Variants in NAV3 observed in about 807,000 individuals in gnomAD.
NAV3 encodes the protein pore membrane and/or filament interacting like protein 1.
NAV3 carries 87 observed loss-of-function variants against 244.7 expected under a neutral mutation model. That is an observed-to-expected ratio of 0.36 (90% CI 0.30 to 0.42). The LOEUF (loss-of-function observed/expected upper bound fraction) is 0.42, where lower values mean the gene tolerates loss of function less well. Ranked by LOEUF, NAV3 falls within the 20% of genes least tolerant of loss-of-function variation. NAV3 has a pLI of 1.00. For missense variants in NAV3, 2,663 were observed against 2,893.3 expected (o/e 0.92, Z 1.83); for synonymous variants, 1,126 against 1,042.2 (o/e 1.08, Z -1.55).
chr12:77,824,160 G>C (rs1032418132), intron 2 of NAV3, among the ~76,000 whole-genome samples: 1 of 151,648 alleles, frequency 6.6e-6, no homozygotes, highest in Non-Finnish European at 1.5e-5. Flanking sequence ...TGCAACCTCC[G>C]CCTCTCGGGT....
At chr12:77,766,734 A>ATTTTTTTT (rs1565805085) in intron 2 of NAV3, among the ~76,000 whole-genome samples, 2 of 53,344 alleles carry the variant, frequency 3.7e-5, no homozygotes, top group African/African-American at 1.0e-4. Flanking sequence ...CAGGCAATTA[A>ATTTTTTTT]GTTTTTTTTT....
chr12:77,928,365 A>G (rs1888439606), intron 1 of NAV3, among the ~76,000 whole-genome samples: 1 of 152,156 alleles, frequency 6.6e-6, no homozygotes, highest in South Asian at 2.1e-4. Context: ...TCTCACAATG[A>G]TGATCTGGAC....
chr12:78,037,098 C>T (rs1333122129), intron 9 of NAV3: 11 of 702,922 alleles, frequency 1.6e-5, no homozygotes, highest in Non-Finnish European at 2.6e-5. Flanking sequence ...TGTGCAGTCC[C>T]TGTATCACAC....
chr12:77,787,034 C>A (rs1870935731), intron 2 of NAV3, among the ~76,000 whole-genome samples: 2 of 151,972 alleles, frequency 1.3e-5, no homozygotes, highest in Admixed American at 6.6e-5. Context: ...TCTGCTTGAA[C>A]CTCTGATCTG....
At chr12:77,815,054 G>A (rs1872475296) in intron 2 of NAV3, among the ~76,000 whole-genome samples, 1 of 152,184 alleles carries the variant, frequency 6.6e-6, no homozygotes, top group African/African-American at 2.4e-5. Flanking sequence ...AGCAGCGAGT[G>A]AGCCCCAGTG....
chr12:77,664,080 C>T (rs145402664), intron 2 of NAV3, among the ~76,000 whole-genome samples: 18 of 152,246 alleles, frequency 1.2e-4, no homozygotes, highest in African/African-American at 4.1e-4. Flanking sequence ...GACCATAACA[C>T]GATGGTAAAC....
chr12:78,155,107 C>T (rs1429979325), intron 22 of NAV3, among the ~76,000 whole-genome samples: 1 of 152,020 alleles, frequency 6.6e-6, no homozygotes, highest in African/African-American at 2.4e-5. Context: ...ATTTGCTGCA[C>T]AGATCAACTC....
chr12:77,729,769 C>G (rs1877041361), intron 2 of NAV3, among the ~76,000 whole-genome samples: 1 of 151,884 alleles, frequency 6.6e-6, no homozygotes, highest in African/African-American at 2.4e-5. Context: ...AGGCAGGAGA[C>G]TTACCTATTG....
At chr12:77,701,703 A>G (rs746460199) in intron 2 of NAV3, among the ~76,000 whole-genome samples, 2 of 151,876 alleles carry the variant, frequency 1.3e-5, no homozygotes, top group Non-Finnish European at 2.9e-5. Flanking sequence ...AGTTCAAAAT[A>G]TTTTCCAGTA....
intron 2 of NAV3, among the ~76,000 whole-genome samples, chr12:77,791,719 G>A (rs759121867): frequency 6.6e-5 from 10 of 152,056 alleles, no homozygotes; most frequent in South Asian, 2.1e-4. Flanking sequence ...CTCCCCATTC[G>A]TAGATTCAAA....
intron 1 of NAV3, among the ~76,000 whole-genome samples, chr12:77,884,397 G>A (rs1883037074): frequency 6.6e-6 from 1 of 152,096 alleles, no homozygotes; most frequent in Admixed American, 6.6e-5. Flanking sequence ...CAAAGATACT[G>A]GTAGTGTGGC....
rs1052605148 is a variant in NAV3, at chr12:78,182,730, T to C, written c.5692+1685T>C. Among the ~76,000 whole-genome samples the C allele has an allele frequency of 2.6e-5, 4 of 151,984 alleles. No homozygotes were observed. The South Asian group carries it at 8.3e-4, about 31-fold the overall frequency. On this transcript the variant is annotated intron_variant, in intron 30 of 39. Transcript: ENST00000397909. ...AGTTTTACGTTTTTTTAATACCTTT[T>C]TTTACCCATTCCCTAAGTTATTTTT... is the stretch of plus-strand genomic sequence containing the variant.
At chr12:77,890,661 G>T (rs1883825353) in intron 1 of NAV3, among the ~76,000 whole-genome samples, 1 of 152,046 alleles carries the variant, frequency 6.6e-6, no homozygotes, top group South Asian at 2.1e-4. Context: ...TCGAGTAAAT[G>T]CCTGCTCTAT....
At chr12:78,020,380 A>G (rs1348591420) in intron 8 of NAV3, among the ~76,000 whole-genome samples, 1 of 152,158 alleles carries the variant, frequency 6.6e-6, no homozygotes, top group Admixed American at 6.6e-5. Flanking sequence ...CCTTAATGGT[A>G]TATATCCTAT....
intron 3 of NAV3, among the ~76,000 whole-genome samples, chr12:77,952,552 C>A (rs1891001409): frequency 6.6e-6 from 1 of 152,070 alleles, no homozygotes; most frequent in South Asian, 2.1e-4. Context: ...GTCAGTCCTC[C>A]AATTTTGTAC....
At chr12:77,690,164 C>A (rs562230374) in intron 2 of NAV3, among the ~76,000 whole-genome samples, 13 of 151,864 alleles carry the variant, frequency 8.6e-5, no homozygotes, top group African/African-American at 2.9e-4. Flanking sequence ...AGTTCATGTT[C>A]TCAAACATCC....
chr12:77,627,344 C>A (rs1176160283), intron 2 of NAV3, among the ~76,000 whole-genome samples: 3 of 152,008 alleles, frequency 2.0e-5, no homozygotes, highest in Admixed American at 6.6e-5. Flanking sequence ...AAACAAAATA[C>A]TTTTTATAAA....
rs77865982 is a variant in NAV3, at chr12:77,954,234, A to T, written c.415-11995A>T. 3.3e-3 allele frequency among the ~76,000 whole-genome samples: 509 copies of T among 152,258 alleles called. 1 individual carries two copies. The highest frequency in any genetic ancestry group is 0.013 in the South Asian group (63 of 4,824). On this transcript the variant is annotated intron_variant, in intron 3 of 39. Coordinates refer to ENST00000397909, the MANE Select transcript of NAV3 (RefSeq NM_001024383.2). The stretch of plus-strand genomic sequence containing the variant: ...ATTTCTGTCTTTACCTTTACACTAC[A>T]CAGTTTTCATTCTTACATTCAACCA...
At chr12:77,735,170 C>T (rs1470372249) in intron 2 of NAV3, among the ~76,000 whole-genome samples, 1 of 151,922 alleles carries the variant, frequency 6.6e-6, no homozygotes, top group Non-Finnish European at 1.5e-5. Flanking sequence ...ATATTTAAAA[C>T]TATAGGAAAG....
Sources: gnomAD v4.1 joint callset for allele counts (sites outside exome capture counted in the v4.1 genomes callset) on GRCh38, gnomAD v4.1.1 for gene constraint, MANE v1.5 for transcripts, NCBI Gene and HGNC (gene_info 2026-07-23, HGNC 2026-07-21) for gene names.